Variants in ZDHHC15 observed in about 807,000 individuals in gnomAD.
The protein encoded by ZDHHC15 is zDHHC palmitoyltransferase 15.
Under a neutral mutation model 31.7 loss-of-function variants are expected in ZDHHC15, and 19 were observed. The ratio of observed to expected loss-of-function variants is 0.60; its 90% CI spans 0.42 to 0.88. The LOEUF (loss-of-function observed/expected upper bound fraction) is 0.88, where lower values mean the gene tolerates loss of function less well. Among genes scored for constraint, ZDHHC15 ranks in the 40% least tolerant of loss-of-function variants. The pLI, the probability that ZDHHC15 is intolerant of heterozygous loss-of-function variation, is 0.00. For synonymous variants in ZDHHC15, 103 were observed against 90.0 expected (o/e 1.14, Z -0.82); for missense variants, 209 against 251.2 (o/e 0.83, Z 1.14).
intron 10 of ZDHHC15, among the ~76,000 whole-genome samples, chrX:75,411,286 G>A: frequency 9.1e-6 from 1 of 110,006 alleles, no homozygotes; most frequent in Non-Finnish European, 1.9e-5. Context: ...TCAGCTCACT[G>A]CAAGCTCTGC....
chrX:75,436,782 T>C (rs957635748), intron 4 of ZDHHC15, among the ~76,000 whole-genome samples: 1 of 113,080 alleles, frequency 8.8e-6, no homozygotes, highest in African/African-American at 3.2e-5. Context: ...TAATGTTCCA[T>C]GTGCTAATGA....
chrX:75,489,691 C>T (rs2084842582), intron 2 of ZDHHC15, among the ~76,000 whole-genome samples: 1 of 112,353 alleles, frequency 8.9e-6, no homozygotes, highest in Admixed American at 9.5e-5. Context: ...GACCTCTCCT[C>T]CTCCAAAGGA....
rs182426282 is a variant in ZDHHC15 at position 75,484,740 on chromosome X, A to T, written c.164-5755T>A. 3.5e-3 allele frequency among the ~76,000 whole-genome samples: 390 copies of T among 112,099 alleles called. 1 individual carries two copies. The highest frequency in any genetic ancestry group is 0.012 in the African/African-American group (374 of 30,915). On this transcript the variant is annotated intron_variant, in intron 2 of 11. Coordinates refer to ENST00000373367, the MANE Select transcript of ZDHHC15 (RefSeq NM_144969.3). ...GTATTTACTCAAGAGAAACAAAAAC[A>T]TATATCTCCACAAAGGCTTATACAT...
At chrX:75,485,107 T>C (rs2084756127) in intron 2 of ZDHHC15, among the ~76,000 whole-genome samples, 2 of 111,384 alleles carry the variant, frequency 1.8e-5, no homozygotes, top group Admixed American at 9.6e-5. Context: ...TGGGGTAATA[T>C]AAATATTCTG....
intron 10 of ZDHHC15, among the ~76,000 whole-genome samples, chrX:75,379,900 G>C (rs1216598759): frequency 1.1e-3 from 19 of 17,978 alleles, no homozygotes; most frequent in Admixed American, 1.3e-3. Flanking sequence ...ACAGAGGCCA[G>C]CCAGTCAGTG....
intron 3 of ZDHHC15, among the ~76,000 whole-genome samples, chrX:75,456,377 T>A (rs1390329571): frequency 9.2e-6 from 1 of 108,542 alleles, no homozygotes; most frequent in African/African-American, 3.4e-5. Context: ...GGGGGAGGGA[T>A]AGCATTAGGA....
At chrX:75,509,217 A>G (rs2085220417) in intron 1 of ZDHHC15, among the ~76,000 whole-genome samples, 1 of 111,973 alleles carries the variant, frequency 8.9e-6, no homozygotes, top group Admixed American at 9.5e-5. Context: ...AGAAACTACC[A>G]TCAGAGTGAA....
At chrX:75,433,458 G>T (rs988341110) in intron 4 of ZDHHC15, among the ~76,000 whole-genome samples, 6 of 109,415 alleles carry the variant, frequency 5.5e-5, no homozygotes, top group African/African-American at 2.0e-4. Flanking sequence ...AGTCCCCAGA[G>T]TACACTATAT....
At chrX:75,398,310 C>T (rs1478059182) in intron 10 of ZDHHC15, among the ~76,000 whole-genome samples, 2 of 112,164 alleles carry the variant, frequency 1.8e-5, no homozygotes, top group East Asian at 5.7e-4. Context: ...CCAGCACAGC[C>T]TAGCTCCTCT....
chrX:75,438,071 A>C (rs1488994501), intron 4 of ZDHHC15, among the ~76,000 whole-genome samples: 1 of 112,232 alleles, frequency 8.9e-6, no homozygotes, highest in Non-Finnish European at 1.9e-5. Context: ...AATCACAACC[A>C]CAATGAGATA....
intron 10 of ZDHHC15, among the ~76,000 whole-genome samples, chrX:75,394,168 G>A (rs2083274429): frequency 9.0e-6 from 1 of 110,802 alleles, no homozygotes; most frequent in South Asian, 3.8e-4. Flanking sequence ...ACCATCATAT[G>A]GTTACTGCAA....
chrX:75,419,060 T>C (rs1345370509), intron 9 of ZDHHC15, among the ~76,000 whole-genome samples: 1 of 111,868 alleles, frequency 8.9e-6, no homozygotes. Context: ...TCTATCCATC[T>C]GACAAAGGGC....
chrX:75,390,112 C>T (rs189168511), intron 10 of ZDHHC15, among the ~76,000 whole-genome samples: 6 of 111,278 alleles, frequency 5.4e-5, no homozygotes, highest in Non-Finnish European at 7.5e-5. Flanking sequence ...GTGGCCACAG[C>T]GAGATAACTG....
chrX:75,400,067 G>A (rs1194083258), intron 10 of ZDHHC15, among the ~76,000 whole-genome samples: 2 of 111,343 alleles, frequency 1.8e-5, no homozygotes, highest in Admixed American at 9.6e-5. Context: ...AAATGGCCCG[G>A]GTGTCATATG....
chrX:75,393,102 C>A (rs1406323627), intron 10 of ZDHHC15, among the ~76,000 whole-genome samples: 1 of 111,293 alleles, frequency 9.0e-6, no homozygotes, highest in Non-Finnish European at 1.9e-5. Context: ...CATGCATACT[C>A]TTTCTTACAT....
At chrX:75,442,756 G>T (rs1163339487) in intron 4 of ZDHHC15, among the ~76,000 whole-genome samples, 1 of 110,506 alleles carries the variant, frequency 9.0e-6, no homozygotes, top group Non-Finnish European at 1.9e-5. Flanking sequence ...GGAGGCCGAG[G>T]CGGGTGGATC....
chrX:75,488,077 C>G (rs2084807093), intron 2 of ZDHHC15, among the ~76,000 whole-genome samples: 1 of 112,164 alleles, frequency 8.9e-6, no homozygotes, highest in Non-Finnish European at 1.9e-5. Context: ...GAAAAAAAAT[C>G]TAAAAGTTCG....
intron 3 of ZDHHC15, among the ~76,000 whole-genome samples, chrX:75,469,483 T>C (rs1365384315): frequency 8.9e-6 from 1 of 112,229 alleles, no homozygotes; most frequent in Non-Finnish European, 1.9e-5. Context: ...AGTAGAATCA[T>C]ACATATTAGC....
intron 10 of ZDHHC15, among the ~76,000 whole-genome samples, chrX:75,411,668 T>A (rs1310254203): frequency 1.8e-5 from 2 of 112,283 alleles, no homozygotes; most frequent in African/African-American, 3.2e-5. Context: ...AATATGTACA[T>A]CTATTATAAA....
Sources: allele counts gnomAD v4.1 joint callset (sites outside exome capture counted in the v4.1 genomes callset), GRCh38; gene constraint gnomAD v4.1.1; transcripts MANE v1.5; gene names NCBI Gene and HGNC (gene_info 2026-07-23, HGNC 2026-07-21).